Variants in PPP6R3 observed in about 807,000 individuals in gnomAD.
PPP6R3 encodes serine/threonine-protein phosphatase 6 regulatory subunit 3.
Under a neutral mutation model 110.7 loss-of-function variants are expected in PPP6R3, and 38 were observed. The ratio of observed to expected loss-of-function variants is 0.34; its 90% CI spans 0.26 to 0.45. The LOEUF is 0.45. Ranked by LOEUF, PPP6R3 falls within the 20% of genes least tolerant of loss-of-function variation. The probability of loss-of-function intolerance (pLI) is 1.00; values close to 1 mark genes in which losing one functional copy is unlikely to be tolerated. For synonymous variants in PPP6R3, 369 were observed against 373.5 expected, an observed-to-expected ratio of 0.99 and a Z score of 0.14; for missense variants, 870 against 1,062.4, an observed-to-expected ratio of 0.82 and a Z score of 2.52.
At chr11:68,515,058 C>T (rs1427770047) in intron 1 of PPP6R3, 1 of 152,098 alleles carries the variant, frequency 6.6e-6, no homozygotes, top group Non-Finnish European at 1.5e-5. Context: ...TCTCCCAGGA[C>T]CAGATGTGGA....
chr11:68,578,455 G>A (rs1023594878), intron 14 of PPP6R3, among the ~76,000 whole-genome samples: 1 of 152,258 alleles, frequency 6.6e-6, no homozygotes, highest in East Asian at 1.9e-4. Flanking sequence ...GATAAGATTA[G>A]ATACACTGCC....
intron 18 of PPP6R3, among the ~76,000 whole-genome samples, chr11:68,594,528 G>A (rs1423119720): frequency 3.3e-5 from 5 of 152,082 alleles, no homozygotes. Context: ...AATATGTAGG[G>A]ACAAATCTCA....
chr11:68,600,331 C>G lies in PPP6R3; in HGVS notation c.2039-10C>G. The G allele has an allele frequency of 6.2e-7, 1 of 1,612,650 alleles. No homozygotes were observed. The highest frequency in any genetic ancestry group is 8.5e-7 in the Non-Finnish European group (1 of 1,178,820). Reference sequence around the variant, plus strand: ...GTGTTTTCCAAATAGAATTTCTCCCCTCTTTTTAGCACCCAACTGGTCAGC... The same window carrying G: ...GTGTTTTCCAAATAGAATTTCTCCCGTCTTTTTAGCACCCAACTGGTCAGC... On this transcript the variant is annotated splice_polypyrimidine_tract_variant and intron_variant, in intron 19 of 23. Transcript: ENST00000393800.
At chr11:68,577,598 T>C (rs1012442148) in intron 14 of PPP6R3, among the ~76,000 whole-genome samples, 1 of 152,254 alleles carries the variant, frequency 6.6e-6, no homozygotes, top group Non-Finnish European at 1.5e-5. Context: ...TGAGCAGTTC[T>C]GTAATAAAGA....
At chr11:68,553,155 T>C (rs148177407) in intron 6 of PPP6R3, among the ~76,000 whole-genome samples, 84 of 152,350 alleles carry the variant, frequency 5.5e-4, no homozygotes, top group African/African-American at 1.8e-3. Flanking sequence ...CTTTGAGTTA[T>C]GCTCAGTTTC....
chr11:68,553,122 G>C (rs1337702491), intron 6 of PPP6R3, among the ~76,000 whole-genome samples: 1 of 152,124 alleles, frequency 6.6e-6, no homozygotes, highest in African/African-American at 2.4e-5. Context: ...TGTTCTGCCT[G>C]TATTGGGAGC....
chr11:68,558,538 G>A (rs759413857), intron 7 of PPP6R3, 28 bp from the exon 8 acceptor site: 14 of 1,461,820 alleles, frequency 9.6e-6, no homozygotes, highest in Non-Finnish European at 1.3e-5. Flanking sequence ...TGATACTGCA[G>A]TTAGTGATTA....
intron 9 of PPP6R3, among the ~76,000 whole-genome samples, chr11:68,565,469 C>T (rs1391893085): frequency 6.6e-6 from 1 of 151,774 alleles, no homozygotes; most frequent in East Asian, 1.9e-4. Flanking sequence ...CAATGATGGT[C>T]AGTGGCATCC....
intron 1 of PPP6R3, among the ~76,000 whole-genome samples, chr11:68,472,699 G>A (rs1240183525): frequency 3.3e-5 from 5 of 151,650 alleles, no homozygotes; most frequent in African/African-American, 1.2e-4. Flanking sequence ...ACAACTGATG[G>A]ATTTTAATAT....
chr11:68,596,904 G>A (rs1326530078), intron 19 of PPP6R3, among the ~76,000 whole-genome samples: 1 of 152,184 alleles, frequency 6.6e-6, no homozygotes, highest in African/African-American at 2.4e-5. Context: ...CCCAGCTAGG[G>A]TGGACCTTGT....
chr11:68,558,482 C>A, intron 7 of PPP6R3, 84 bp from the exon 8 acceptor site: 2 of 818,200 alleles, frequency 2.4e-6, no homozygotes, highest in Non-Finnish European at 4.1e-6. Flanking sequence ...TTCAGTGATG[C>A]TTGTCTTGTA....
intron 2 of PPP6R3, among the ~76,000 whole-genome samples, chr11:68,532,950 T>C (rs1164969853): frequency 2.6e-5 from 4 of 152,252 alleles, no homozygotes; most frequent in African/African-American, 9.6e-5. Context: ...GAAGGATTTC[T>C]CAGTCTGTAT....
At chr11:68,518,335 T>TTG (rs1223297904) in intron 1 of PPP6R3, among the ~76,000 whole-genome samples, 1 of 152,226 alleles carries the variant, frequency 6.6e-6, no homozygotes, top group Non-Finnish European at 1.5e-5. Flanking sequence ...GAAACAAAGC[T>TTG]TCATTTATGT....
intron 16 of PPP6R3, among the ~76,000 whole-genome samples, chr11:68,589,821 G>C (rs184613124): frequency 2.6e-5 from 4 of 152,262 alleles, no homozygotes; most frequent in African/African-American, 7.2e-5. Context: ...TGCCGTATGG[G>C]CACAGTGGAA....
chr11:68,571,735 TG>T (rs1251345708), intron 12 of PPP6R3, among the ~76,000 whole-genome samples: 1 of 152,162 alleles, frequency 6.6e-6, no homozygotes, highest in Non-Finnish European at 1.5e-5. Context: ...AGGGCGTGTT[TG>T]GGAAACACTC....
At chr11:68,465,134 G>A (rs546393239) in intron 1 of PPP6R3, among the ~76,000 whole-genome samples, 87 of 152,196 alleles carry the variant, frequency 5.7e-4, no homozygotes, top group Non-Finnish European at 1.0e-3. Flanking sequence ...CGCCCGCCTC[G>A]GCCTCCCAAA....
intron 23 of PPP6R3, among the ~76,000 whole-genome samples, chr11:68,610,992 A>T (rs1234381532): frequency 6.6e-6 from 1 of 152,218 alleles, no homozygotes; most frequent in Admixed American, 6.5e-5. Flanking sequence ...ATTGTAGCCA[A>T]AATAAAGCCT....
intron 14 of PPP6R3, among the ~76,000 whole-genome samples, chr11:68,579,796 A>T (rs1039336498): frequency 4.6e-5 from 7 of 152,216 alleles, no homozygotes; most frequent in African/African-American, 1.7e-4. Flanking sequence ...AATACTTATC[A>T]CCATGCTCCA....
Position 68,544,884 on chromosome 11 carries a change from A to G in PPP6R3, c.274A>G (p.Met92Val), listed in dbSNP as rs1405595227. 6.2e-7 allele frequency: 1 copy of G among 1,607,654 alleles called. No individual in the cohort carries two copies. Among genetic ancestry groups the G allele is most frequent in the East Asian group, 2.2e-5 (1 of 44,826 alleles). The change falls in exon 4 of 24, where the codon ATG becomes GTG. Residue 92 changes from methionine to valine, a missense_variant. Coordinates refer to ENST00000393800, the MANE Select transcript of PPP6R3 (RefSeq NM_001164161.2). Reference protein sequence around the residue: ...CELLTSDVSQMNDRLGEDESL... With the variant: ...CELLTSDVSQVNDRLGEDESL... The stretch of plus-strand genomic sequence containing the variant: ...GTTGCTCACTTCTGATGTCTCCCAG[A>G]TGAATGATAGACTGGGAGAAGATGA...
Sources: gnomAD v4.1 joint callset for allele counts (sites outside exome capture counted in the v4.1 genomes callset) on GRCh38, gnomAD v4.1.1 for gene constraint, MANE v1.5 for transcripts, NCBI Gene and HGNC (gene_info 2026-07-23, HGNC 2026-07-21) for gene names.